SOBP: variants seen among roughly 807,000 people sequenced by gnomAD.
The protein encoded by SOBP is sine oculis-binding protein homolog.
In SOBP, 4 loss-of-function variants were observed where a neutral mutation model predicts 53.6. That is an observed-to-expected ratio of 0.07 (90% confidence interval 0.04 to 0.17). The LOEUF is 0.17. SOBP is among the 10% of genes least tolerant of loss of function. The pLI is 1.00. For synonymous variants in SOBP, 584 were observed against 522.6 expected, an observed-to-expected ratio of 1.12 and a Z score of -1.60; for missense variants, 1,088 against 1,204.7, an observed-to-expected ratio of 0.90 and a Z score of 1.43.
chr6:107,540,583 G>A (rs1246935807), intron 4 of SOBP, among the ~76,000 whole-genome samples: 2 of 152,238 alleles, frequency 1.3e-5, no homozygotes, highest in Non-Finnish European at 2.9e-5. Flanking sequence ...CAGGCTGTGG[G>A]CCAGAGCTGG....
chr6:107,559,821 T>C (rs1041014666), intron 4 of SOBP, among the ~76,000 whole-genome samples: 4 of 152,210 alleles, frequency 2.6e-5, no homozygotes, highest in African/African-American at 7.2e-5. Flanking sequence ...ACATGTAGTT[T>C]GTACCTTGTG....
intron 5 of SOBP, among the ~76,000 whole-genome samples, chr6:107,622,382 A>G (rs1204773825): frequency 6.6e-6 from 1 of 152,258 alleles, no homozygotes; most frequent in African/African-American, 2.4e-5. Flanking sequence ...AGAGGCAACA[A>G]CTATCCCAAT....
chr6:107,531,484 A>G (rs1003128906), intron 3 of SOBP, among the ~76,000 whole-genome samples: 10 of 152,184 alleles, frequency 6.6e-5, no homozygotes, highest in Non-Finnish European at 1.3e-4. Flanking sequence ...TTTCTAATCT[A>G]AGAAAACTGC....
intron 5 of SOBP, among the ~76,000 whole-genome samples, chr6:107,591,977 T>G (rs1159543546): frequency 9.4e-5 from 9 of 95,514 alleles, no homozygotes; most frequent in Non-Finnish European, 1.6e-4. Context: ...TGTTTTTTTT[T>G]TTTTTTTTTT....
chr6:107,522,703 C>T (rs1402354406), intron 3 of SOBP, among the ~76,000 whole-genome samples: 2 of 151,680 alleles, frequency 1.3e-5, no homozygotes, highest in Non-Finnish European at 2.9e-5. Context: ...CGATCATGCC[C>T]AGCTAATTTT....
intron 1 of SOBP, 87 bp downstream of exon 1, chr6:107,490,799 G>A: frequency 9.7e-7 from 1 of 1,035,278 alleles, no homozygotes; most frequent in Non-Finnish European, 1.5e-6. Context: ...GGGGGGTACC[G>A]GGGCGCGCTT....
chr6:107,513,464 A>C (rs545223765), intron 3 of SOBP, among the ~76,000 whole-genome samples: 1 of 152,270 alleles, frequency 6.6e-6, no homozygotes, highest in African/African-American at 2.4e-5. Context: ...TATAATTCTG[A>C]CATGGAGTTG....
chr6:107,635,426 T>C lies in SOBP; in HGVS notation c.2582T>C (p.Leu861Pro). Residue 861 changes from leucine to proline, a missense_variant, in exon 6 of 7, where the codon CTC becomes CCC. Physicochemically the swap from Leu to Pro is moderately conservative, Grantham distance 98. Coordinates refer to ENST00000317357, the MANE Select transcript of SOBP (RefSeq NM_018013.4). This position sits in a 1 kb window ranked among gnomAD's most constrained non-coding sequence, Gnocchi z 4.5. ...GGGCCTGAGGACCTGGAGCCGCCGC[T>C]CAAAAGGAGGTGCCTCCGAATTAGA... ...SAGPEDLEPP[L>P]KRRCLRIRNQ... is the part of the protein sequence containing the mutation. 1.9e-6 allele frequency: 3 copies of C among 1,613,548 alleles called. No homozygotes were observed. Among genetic ancestry groups the C allele is most frequent in the East Asian group, 2.2e-5 (1 of 44,854 alleles).
chr6:107,592,302 A>ACCAG, intron 5 of SOBP, among the ~76,000 whole-genome samples: 1 of 152,086 alleles, frequency 6.6e-6, no homozygotes, highest in East Asian at 1.9e-4. Flanking sequence ...AGCCCAACTC[A>ACCAG]CCAGTACATG....
chr6:107,616,780 C>T lies in SOBP; in HGVS notation c.670-16734C>T, dbSNP rs753231178. Among the ~76,000 whole-genome samples the T allele has an allele frequency of 3.0e-4, 46 of 152,190 alleles. 1 individual carries two copies. Among genetic ancestry groups the T allele is most frequent in the Admixed American group, 1.7e-3 (26 of 15,282 alleles). On this transcript the variant is annotated intron_variant, in intron 5 of 6. Transcript: ENST00000317357. The stretch of plus-strand genomic sequence containing the variant: ...GTGGGGGCTGTAATCTCCGAAGCAG[C>T]GGACACTCACAGCGACGGTTGGCCC...
chr6:107,546,429 G>A (rs553647186), intron 4 of SOBP, among the ~76,000 whole-genome samples: 1 of 152,328 alleles, frequency 6.6e-6, no homozygotes, highest in South Asian at 2.1e-4. Context: ...TGATGTTGCT[G>A]ATAGCATTAA....
intron 6 of SOBP, among the ~76,000 whole-genome samples, chr6:107,652,012 C>T (rs1771821328): frequency 1.3e-5 from 2 of 152,192 alleles, no homozygotes; most frequent in African/African-American, 2.4e-5. Context: ...ATTTGGTCAT[C>T]CAAGAGCTCT....
intron 5 of SOBP, among the ~76,000 whole-genome samples, chr6:107,590,618 G>A (rs1442957846): frequency 3.9e-5 from 6 of 152,182 alleles, no homozygotes; most frequent in African/African-American, 9.7e-5. Flanking sequence ...GAGGGAAAGG[G>A]AGGGAGCTCA....
chr6:107,494,175 T>A (rs1421699271), intron 1 of SOBP, among the ~76,000 whole-genome samples: 1 of 152,226 alleles, frequency 6.6e-6, no homozygotes, highest in Non-Finnish European at 1.5e-5. Context: ...AATTAGTGGC[T>A]AGTAGAATTT....
At chr6:107,602,536 C>T (rs1340664886) in intron 5 of SOBP, among the ~76,000 whole-genome samples, 1 of 135,780 alleles carries the variant, frequency 7.4e-6, no homozygotes, top group Non-Finnish European at 1.5e-5. Context: ...CATGCAGGAG[C>T]GCTAAGCCTC....
intron 4 of SOBP, among the ~76,000 whole-genome samples, chr6:107,568,859 C>A (rs561836076): frequency 1.3e-5 from 2 of 152,258 alleles, no homozygotes; most frequent in East Asian, 3.9e-4. Flanking sequence ...TGAGAGAAAC[C>A]TTCATGCATT....
chr6:107,510,472 C>A (rs557717837), intron 3 of SOBP: 21 of 152,328 alleles, frequency 1.4e-4, no homozygotes, highest in African/African-American at 5.1e-4. Flanking sequence ...GAATGAATGA[C>A]TGATATTCAA....
At chr6:107,645,080 C>A (rs9384659) in intron 6 of SOBP, among the ~76,000 whole-genome samples, 30,620 of 151,986 alleles carry the variant, frequency 0.2, 3,782 homozygotes, top group African/African-American at 0.33. Flanking sequence ...TCAGGGTTCT[C>A]ATCCTGATTT....
chr6:107,551,395 ATT>A (rs1262193055), intron 4 of SOBP, among the ~76,000 whole-genome samples: 1 of 152,178 alleles, frequency 6.6e-6, no homozygotes. Context: ...GTAGTAAAAA[ATT>A]TGTTTTATAA....
Sources: gnomAD v4.1 joint callset for allele counts (sites outside exome capture counted in the v4.1 genomes callset) on GRCh38, gnomAD v4.1.1 for gene constraint, Gnocchi (gnomAD v3.1) non-coding constraint, MANE v1.5 for transcripts, NCBI Gene and HGNC (gene_info 2026-07-23, HGNC 2026-07-21) for gene names.